TUSC3: variants seen among roughly 807,000 people sequenced by gnomAD.
The protein encoded by TUSC3 is tumor suppressor candidate 3.
Under a neutral mutation model 44.8 loss-of-function variants are expected in TUSC3, and 45 were observed. The observed-to-expected ratio is 1.00, with a 90% CI of 0.79 to 1.29. The LOEUF (loss-of-function observed/expected upper bound fraction) is 1.29. Among genes scored for constraint, TUSC3 ranks in the 50% most tolerant of loss-of-function variants. The pLI is 0.00. For synonymous variants in TUSC3, 212 were observed against 152.9 expected (o/e 1.39, Z -2.85); for missense variants, 519 against 437.9 (o/e 1.19, Z -1.65).
the TUSC3 span, among the ~76,000 whole-genome samples, chr8:15,816,959 C>A: frequency 2.0e-5 from 3 of 152,132 alleles, no homozygotes; most frequent in Non-Finnish European, 4.4e-5. Context: ...AATGTCCTTC[C>A]TTTATTTTGT....
At chr8:15,496,610 G>A (rs1351813607) in intron 2 of TUSC3, among the ~76,000 whole-genome samples, 3 of 152,078 alleles carry the variant, frequency 2.0e-5, no homozygotes, top group African/African-American at 7.2e-5. Flanking sequence ...GGGCTATTCT[G>A]TGCCTTGACC....
chr8:15,541,076 T>C (rs1358443567), intron 1 of TUSC3, among the ~76,000 whole-genome samples: 4 of 152,238 alleles, frequency 2.6e-5, no homozygotes, highest in Admixed American at 6.5e-5. Flanking sequence ...TAAGCTTGCA[T>C]TTTTTATTTT....
rs1425046002 is a variant in TUSC3 at position 15,613,105 on chromosome 8, TTGTG to T, written c.139-9967_139-9964del. ...TCATATATATGTATTTTATATGTGT[TTGTG>T]TGTGTGTACACATGGACACTTTTTA... On this transcript the variant is annotated intron_variant, in intron 1 of 10. Transcript: ENST00000503731. Among the ~76,000 whole-genome samples the T allele has an allele frequency of 2.0e-5, 3 of 149,152 alleles. No homozygotes were observed. In the East Asian group the frequency reaches 5.9e-4, roughly 29 times the overall value.
intron 1 of TUSC3, among the ~76,000 whole-genome samples, chr8:15,564,364 C>T (rs546760174): frequency 3.9e-5 from 6 of 152,200 alleles, no homozygotes; most frequent in East Asian, 1.9e-4. Flanking sequence ...CAAATCTTAA[C>T]GTCATCCAGC....
chr8:15,775,715 TAC>T, the TUSC3 span, among the ~76,000 whole-genome samples: 13 of 144,742 alleles, frequency 9.0e-5, no homozygotes, highest in East Asian at 6.1e-4. Flanking sequence ...TACATATATA[TAC>T]ACACACAAAC....
At chr8:15,828,006 T>TTC in the TUSC3 span, among the ~76,000 whole-genome samples, 6 of 151,446 alleles carry the variant, frequency 4.0e-5, no homozygotes, top group Non-Finnish European at 5.9e-5. Flanking sequence ...TTTTTTTTTT[T>TTC]TTTTTGACAC....
chr8:15,582,171 G>A lies in TUSC3; in HGVS notation c.139-40909G>A, dbSNP rs543014828. Reference sequence around the variant, plus strand: ...AATGCCTCGCCCTGCTTCGGCTCGCGCATGGTGCGCGCACCCACTGGCCTG... The same window carrying A: ...AATGCCTCGCCCTGCTTCGGCTCGCACATGGTGCGCGCACCCACTGGCCTG... On this transcript the variant is annotated intron_variant, in intron 1 of 10. Coordinates refer to ENST00000503731, the MANE Select transcript of TUSC3 (RefSeq NM_006765.4). Among the ~76,000 whole-genome samples the A allele has an allele frequency of 3.5e-3, 526 of 152,266 alleles. 6 individuals are homozygous for A. Among genetic ancestry groups the A allele is most frequent in the African/African-American group, 0.012 (502 of 41,550 alleles).
chr8:15,715,546 C>T (rs968063492), intron 6 of TUSC3, among the ~76,000 whole-genome samples: 12 of 152,142 alleles, frequency 7.9e-5, no homozygotes, highest in South Asian at 4.1e-4. Context: ...TCACACTACT[C>T]GGAACAGCCT....
At chr8:15,726,461 CT>C (rs749912732) in intron 6 of TUSC3, among the ~76,000 whole-genome samples, 1 of 151,886 alleles carries the variant, frequency 6.6e-6, no homozygotes, top group Admixed American at 6.6e-5. Flanking sequence ...TTTTATGAAC[CT>C]TTTTTTATTG....
At chr8:15,787,702 C>G in the TUSC3 span, among the ~76,000 whole-genome samples, 1 of 152,192 alleles carries the variant, frequency 6.6e-6, no homozygotes, top group African/African-American at 2.4e-5. Flanking sequence ...AAAAATCAAT[C>G]TGACCACAGG....
intron 1 of TUSC3, among the ~76,000 whole-genome samples, chr8:15,470,733 G>A (rs1800480855): frequency 6.6e-6 from 1 of 152,072 alleles, no homozygotes; most frequent in Admixed American, 6.6e-5. Flanking sequence ...CAGTGGAGTT[G>A]GCATTTTCTC....
At chr8:15,758,733 A>C (rs568396306) in intron 10 of TUSC3, among the ~76,000 whole-genome samples, 2 of 152,116 alleles carry the variant, frequency 1.3e-5, no homozygotes, top group South Asian at 4.2e-4. Flanking sequence ...CAGATTGACT[A>C]TCCATGTTCT....
At chr8:15,778,682 G>A in the TUSC3 span, among the ~76,000 whole-genome samples, 3 of 152,068 alleles carry the variant, frequency 2.0e-5, no homozygotes, top group African/African-American at 7.2e-5. Flanking sequence ...GCCAAATAGG[G>A]AAAGTGTAAA....
At chr8:15,628,709 A>G (rs1805627137) in intron 2 of TUSC3, among the ~76,000 whole-genome samples, 1 of 152,228 alleles carries the variant, frequency 6.6e-6, no homozygotes. Context: ...TTGGATAACC[A>G]TGTAGCATTG....
intron 1 of TUSC3, among the ~76,000 whole-genome samples, chr8:15,589,135 C>G (rs1388198641): frequency 6.6e-6 from 1 of 152,178 alleles, no homozygotes; most frequent in African/African-American, 2.4e-5. Flanking sequence ...GCTACTCCTA[C>G]ACCCTTTTGG....
At chr8:15,563,704 A>C (rs1014230863) in intron 1 of TUSC3, among the ~76,000 whole-genome samples, 1 of 151,144 alleles carries the variant, frequency 6.6e-6, no homozygotes, top group African/African-American at 2.4e-5. Context: ...AAAAAAAAAA[A>C]AGAACAACCT....
intron 6 of TUSC3, among the ~76,000 whole-genome samples, chr8:15,722,603 T>C (rs567154242): frequency 6.6e-6 from 1 of 152,104 alleles, no homozygotes; most frequent in African/African-American, 2.4e-5. Context: ...CTATGTCGTT[T>C]GTTATGTGGT....
intron 1 of TUSC3, among the ~76,000 whole-genome samples, chr8:15,603,967 A>G (rs556840153): frequency 3.4e-4 from 51 of 151,762 alleles, no homozygotes; most frequent in Admixed American, 2.9e-3. Context: ...TAATGATTCT[A>G]TTATTGCTTA....
upstream of TUSC3, among the ~76,000 whole-genome samples, chr8:15,538,284 A>T (rs1231477022): frequency 6.6e-6 from 1 of 152,232 alleles, no homozygotes; most frequent in Non-Finnish European, 1.5e-5. Flanking sequence ...GAGCTTTCTG[A>T]ACACTTCTGG....
Sources: gnomAD v4.1 joint callset for allele counts (sites outside exome capture counted in the v4.1 genomes callset) on GRCh38, gnomAD v4.1.1 for gene constraint, MANE v1.5 for transcripts, NCBI Gene and HGNC (gene_info 2026-07-23, HGNC 2026-07-21) for gene names.